SH3D19: variants seen among roughly 807,000 people sequenced by gnomAD.
SH3D19 encodes SH3 domain-containing protein 19.
In SH3D19, 58 loss-of-function variants were observed where a neutral mutation model predicts 112.1. That is an observed-to-expected ratio of 0.52 (90% confidence interval 0.42 to 0.64). SH3D19 has a LOEUF of 0.64. Among genes scored for constraint, SH3D19 ranks in the 30% least tolerant of loss-of-function variants. The pLI, the probability that SH3D19 is intolerant of heterozygous loss-of-function variation, is 0.00. For synonymous variants in SH3D19, 391 were observed against 448.5 expected (o/e 0.87, Z 1.62); for missense variants, 1,090 against 1,263.4 (o/e 0.86, Z 2.08).
At position 151,278,469 on chromosome 4, in the gene SH3D19, AC is replaced by A. The variant is rs1773868995; in HGVS notation, c.112+46771del. 2.6e-5 allele frequency among the ~76,000 whole-genome samples: 4 copies of A among 151,374 alleles called. No homozygotes were observed. In the South Asian group the frequency reaches 8.3e-4, roughly 32 times the overall value. On this transcript the variant is annotated intron_variant, in intron 1 of 19. Transcript: ENST00000604030. ...CCAAAAGAAGAAAAAAAAAACCCTG[AC>A]TAGTATTTAGGAAGTGATTTGTGAA...
chr4:151,149,582 T>G, intron 9 of SH3D19, 21 bp from the exon 10 acceptor site: 1 of 1,608,064 alleles, frequency 6.2e-7, no homozygotes, highest in Non-Finnish European at 8.5e-7. Context: ...CAGAGAATGC[T>G]TTTTAGTTAA....
chr4:151,196,348 G>A (rs966328298), intron 2 of SH3D19, among the ~76,000 whole-genome samples: 1 of 152,178 alleles, frequency 6.6e-6, no homozygotes, highest in African/African-American at 2.4e-5. Flanking sequence ...GGGATGGCTT[G>A]AGCCTGGGAA....
rs185889175 is a variant in SH3D19 at position 151,193,281 on chromosome 4, T to A, written c.153-5818A>T. On this transcript the variant is annotated intron_variant, in intron 2 of 19. Transcript: ENST00000604030. ...TTTAAAATAGGTTTGTTTTTTTTTT[T>A]AAATATAAAAAGTCATCTTGATGAG... Among the ~76,000 whole-genome samples the A allele has an allele frequency of 8.3e-4, 126 of 152,076 alleles. 2 individuals carry two copies. The highest frequency in any genetic ancestry group is 2.2e-3 in the African/African-American group (91 of 41,464).
intron 1 of SH3D19, among the ~76,000 whole-genome samples, chr4:151,254,435 G>T (rs1055649755): frequency 6.7e-6 from 1 of 149,656 alleles, no homozygotes; most frequent in East Asian, 1.9e-4. Context: ...AGTGAACAAA[G>T]GTCTCTGGTT....
At chr4:151,146,178 A>C (rs4696229) in intron 11 of SH3D19, among the ~76,000 whole-genome samples, 128,255 of 152,156 alleles carry the variant, frequency 0.84, 55,217 homozygotes, top group Non-Finnish European at 0.95. Context: ...AAAAATAATT[A>C]CTGGCTCAAT....
intron 1 of SH3D19, among the ~76,000 whole-genome samples, chr4:151,251,433 C>A (rs539818347): frequency 1.6e-4 from 25 of 152,252 alleles, no homozygotes; most frequent in African/African-American, 5.8e-4. Flanking sequence ...CTCCTGATCA[C>A]AAGCAATCCA....
At chr4:151,215,214 A>T (rs13122609) in intron 2 of SH3D19, among the ~76,000 whole-genome samples, 105,608 of 152,152 alleles carry the variant, frequency 0.69, 41,754 homozygotes, top group Non-Finnish European at 0.89. Flanking sequence ...GAGCCACCAC[A>T]GCCGGCCTCA....
chr4:151,256,319 C>T (rs1050665738), intron 1 of SH3D19, among the ~76,000 whole-genome samples: 1 of 152,092 alleles, frequency 6.6e-6, no homozygotes, highest in Non-Finnish European at 1.5e-5. Flanking sequence ...TGTAAAATGT[C>T]GAGAAAGTCC....
chr4:151,138,975 G>A (rs1752451489), intron 13 of SH3D19, among the ~76,000 whole-genome samples: 1 of 151,774 alleles, frequency 6.6e-6, no homozygotes, highest in Admixed American at 6.6e-5. Flanking sequence ...TTACAGGCAT[G>A]CGTCACCATG....
At chr4:151,139,374 A>G (rs1752553030) in intron 13 of SH3D19, among the ~76,000 whole-genome samples, 1 of 151,100 alleles carries the variant, frequency 6.6e-6, no homozygotes, top group Non-Finnish European at 1.5e-5. Flanking sequence ...GGATGGTCTC[A>G]ATCTCCTGAC....
At chr4:151,266,192 T>TCTTCA (rs1384950676) in intron 1 of SH3D19, 1 of 152,166 alleles carries the variant, frequency 6.6e-6, no homozygotes, top group Non-Finnish European at 1.5e-5. Context: ...TCAACAGTAT[T>TCTTCA]ATGCACTGGT....
Position 151,180,685 on chromosome 4 carries a change from T to C in SH3D19, c.194-1288A>G, listed in dbSNP as rs561563130. Among the ~76,000 whole-genome samples the C allele has an allele frequency of 2.6e-4, 38 of 144,502 alleles. No individual in the cohort carries two copies. In the East Asian group the frequency reaches 7.1e-3, roughly 27 times the overall value. 94.8% of individuals were successfully genotyped at this position (144,502 alleles called of 152,430 possible). A position where few individuals can be genotyped will look rare whatever the true frequency, so the allele number is the denominator to read the frequency against. On this transcript the variant is annotated intron_variant, in intron 3 of 19. Coordinates refer to ENST00000604030, the MANE Select transcript of SH3D19 (RefSeq NM_001378122.1). ...CCTCCCAAAGTGCTGGCTTTACAGG[T>C]GTGAGCCACTGCGCCCGACACATAT...
intron 8 of SH3D19, among the ~76,000 whole-genome samples, chr4:151,163,665 C>T (rs1374483317): frequency 6.6e-6 from 1 of 151,696 alleles, no homozygotes; most frequent in Non-Finnish European, 1.5e-5. Flanking sequence ...ACTGCAACCT[C>T]CACCTCCTGG....
At chr4:151,255,993 G>A (rs767867778) in intron 1 of SH3D19, among the ~76,000 whole-genome samples, 1 of 122,338 alleles carries the variant, frequency 8.2e-6, no homozygotes, top group Non-Finnish European at 1.8e-5. Flanking sequence ...CAGCATGAGA[G>A]GGAGACCGTG....
intron 1 of SH3D19, among the ~76,000 whole-genome samples, chr4:151,306,023 G>A (rs1056959472): frequency 1.3e-5 from 2 of 152,138 alleles, no homozygotes; most frequent in Non-Finnish European, 2.9e-5. Flanking sequence ...AAAGAAGCCC[G>A]TCTCAGAGGT....
intron 1 of SH3D19, among the ~76,000 whole-genome samples, chr4:151,320,009 G>A (rs1055649523): frequency 1.3e-5 from 2 of 152,166 alleles, no homozygotes; most frequent in African/African-American, 4.8e-5. Context: ...AAATGTTTGT[G>A]AGCCTCAGTC....
At chr4:151,249,482 C>T (rs566547888) in intron 1 of SH3D19, among the ~76,000 whole-genome samples, 1 of 152,238 alleles carries the variant, frequency 6.6e-6, no homozygotes, top group Admixed American at 6.5e-5. Context: ...TAAACATATA[C>T]TATTACAGGT....
rs763908059 is a variant in SH3D19 at position 151,179,358 on chromosome 4, C to T, written c.233G>A (p.Arg78Lys). The change falls in exon 4 of 20, where the codon AGA becomes AAA. Residue 78 changes from arginine (R) to lysine (K), a missense_variant. Coordinates refer to ENST00000604030, the MANE Select transcript of SH3D19 (RefSeq NM_001378122.1). Reference sequence around the variant, plus strand: ...TCCATTATAAATATAACCATACCTTCTATCTCGATGAAGTTCACTCTGAAT... The same window carrying T: ...TCCATTATAAATATAACCATACCTTTTATCTCGATGAAGTTCACTCTGAAT... ...TSIQSELHRD[R>K]RRPEITIVAA... is the part of the protein sequence containing the mutation. The T allele has an allele frequency of 9.8e-6, 12 of 1,228,236 alleles. No homozygotes were observed. Among genetic ancestry groups the T allele is most frequent in the Non-Finnish European group, 1.2e-5 (12 of 984,692 alleles). 76.1% of individuals were successfully genotyped at this position (1,228,236 alleles called of 1,614,324 possible).
intron 12 of SH3D19, among the ~76,000 whole-genome samples, chr4:151,143,631 T>G (rs1293835905): frequency 7.3e-6 from 1 of 136,880 alleles, no homozygotes; most frequent in East Asian, 1.9e-4. Context: ...TTTTTATTTG[T>G]TTTTTTTTTC....
Sources: allele counts gnomAD v4.1 joint callset (sites outside exome capture counted in the v4.1 genomes callset), GRCh38; gene constraint gnomAD v4.1.1; transcripts MANE v1.5; gene names NCBI Gene and HGNC (gene_info 2026-07-23, HGNC 2026-07-21).